CLYBL: variants seen among roughly 807,000 people sequenced by gnomAD.
The protein encoded by CLYBL is citramalyl-CoA lyase, also known as citramalyl-CoA lyase, mitochondrial.
CLYBL carries 31 observed loss-of-function variants against 38.9 expected under a neutral mutation model. That is an observed-to-expected ratio of 0.80 (90% CI 0.60 to 1.08). The LOEUF is 1.08. Ranked by LOEUF, CLYBL falls within the 50% of genes least tolerant of loss-of-function variation. The pLI is 0.00. For missense variants in CLYBL, 434 were observed against 411.6 expected (o/e 1.05, Z -0.47); for synonymous variants, 171 against 158.6 (o/e 1.08, Z -0.59).
At chr13:99,885,594 C>A (rs2052330879) in intron 7 of CLYBL, among the ~76,000 whole-genome samples, 4 of 152,298 alleles carry the variant, frequency 2.6e-5, no homozygotes. Context: ...CTATAAACAT[C>A]CTGGCACCAT....
chr13:99,633,198 A>G (rs1397700938), intron 1 of CLYBL, among the ~76,000 whole-genome samples: 1 of 138,402 alleles, frequency 7.2e-6, no homozygotes, highest in Admixed American at 7.7e-5. Context: ...GCAACAGAGC[A>G]AGATCCTGTC....
chr13:99,640,804 G>C (rs2047081864), intron 1 of CLYBL, among the ~76,000 whole-genome samples: 1 of 152,176 alleles, frequency 6.6e-6, no homozygotes, highest in Non-Finnish European at 1.5e-5. Context: ...ATAGGATTTT[G>C]ACTGCTCAGG....
intron 2 of CLYBL, among the ~76,000 whole-genome samples, chr13:99,775,964 C>T (rs963753303): frequency 6.6e-5 from 10 of 151,498 alleles, no homozygotes; most frequent in Non-Finnish European, 1.2e-4. Flanking sequence ...GAGATCAAGA[C>T]CATCCTGGCT....
intron 1 of CLYBL, among the ~76,000 whole-genome samples, chr13:99,727,754 G>C (rs1280568928): frequency 6.7e-6 from 1 of 148,604 alleles, no homozygotes; most frequent in East Asian, 1.9e-4. Flanking sequence ...TCTCAGGACA[G>C]GGAATGATAG....
At chr13:99,749,216 C>T (rs780576257) in intron 1 of CLYBL, among the ~76,000 whole-genome samples, 22 of 152,058 alleles carry the variant, frequency 1.4e-4, no homozygotes, top group African/African-American at 3.6e-4. Flanking sequence ...AAAAGACTTC[C>T]GTCATTGGGA....
intron 1 of CLYBL, among the ~76,000 whole-genome samples, chr13:99,627,370 C>CAGTTAGTGGGTGTTATATCCTT (rs2046885076): frequency 6.6e-6 from 1 of 152,086 alleles, no homozygotes; most frequent in Admixed American, 6.6e-5. Flanking sequence ...CTCGGCAGGT[C>CAGTTAGTGGGTGTTATATCCTT]AGTTAGTGGG....
chr13:99,729,081 C>T (rs1322958832), intron 1 of CLYBL, among the ~76,000 whole-genome samples: 1 of 152,214 alleles, frequency 6.6e-6, no homozygotes, highest in African/African-American at 2.4e-5. Context: ...TGTCTCCTTC[C>T]CAGAGATCAG....
chr13:99,661,359 TCAAA>T (rs1377247820), intron 1 of CLYBL, among the ~76,000 whole-genome samples: 3 of 152,324 alleles, frequency 2.0e-5, no homozygotes, highest in South Asian at 2.1e-4. Context: ...GAGGGTACAA[TCAAA>T]CAGCTTCTTT....
chr13:99,718,901 G>A (rs548749122), intron 1 of CLYBL, among the ~76,000 whole-genome samples: 1 of 152,032 alleles, frequency 6.6e-6, no homozygotes, highest in South Asian at 2.1e-4. Context: ...GGAGTGCAGT[G>A]GCATGATCTC....
chr13:99,854,696 C>T (rs549266207), intron 2 of CLYBL, among the ~76,000 whole-genome samples: 2 of 152,152 alleles, frequency 1.3e-5, no homozygotes, highest in Non-Finnish European at 2.9e-5. Flanking sequence ...TTAATGGGTG[C>T]CAATTGAACC....
intron 1 of CLYBL, among the ~76,000 whole-genome samples, chr13:99,712,994 A>G (rs2048258212): frequency 1.3e-5 from 2 of 152,192 alleles, no homozygotes. Context: ...TTTTGAGGCT[A>G]TATGTCTGAA....
At chr13:99,901,356 CTA>C (rs1203134831), downstream of CLYBL, among the ~76,000 whole-genome samples, 1 of 152,166 alleles carries the variant, frequency 6.6e-6, no homozygotes, top group East Asian at 1.9e-4. Flanking sequence ...CACGGGCAAA[CTA>C]TGTTTTTCTA....
chr13:99,736,028 C>A (rs970730215), intron 1 of CLYBL, among the ~76,000 whole-genome samples: 1 of 143,400 alleles, frequency 7.0e-6, no homozygotes, highest in Admixed American at 7.1e-5. Flanking sequence ...ATATCCTATA[C>A]GTTTCTTTTC....
chr13:99,821,093 G>A (rs1009967061), intron 2 of CLYBL, among the ~76,000 whole-genome samples: 2 of 152,174 alleles, frequency 1.3e-5, no homozygotes, highest in Non-Finnish European at 2.9e-5. Flanking sequence ...AAACTGCTTG[G>A]TGGAAGCAAT....
intron 1 of CLYBL, among the ~76,000 whole-genome samples, chr13:99,766,770 G>A (rs1043027614): frequency 1.3e-5 from 2 of 152,068 alleles, no homozygotes; most frequent in Admixed American, 6.6e-5. Context: ...CTATCAGAAC[G>A]CTGCTCTTCC....
chr13:99,635,020 CTG>C (rs1283745753), intron 1 of CLYBL, among the ~76,000 whole-genome samples: 3 of 152,168 alleles, frequency 2.0e-5, no homozygotes, highest in African/African-American at 4.8e-5. Context: ...TTCCCACACA[CTG>C]TCTGGCTTAA....
At chr13:99,791,506 G>A (rs781019514) in intron 2 of CLYBL, among the ~76,000 whole-genome samples, 3 of 152,132 alleles carry the variant, frequency 2.0e-5, no homozygotes, top group East Asian at 3.9e-4. Flanking sequence ...CTTTAGAGCC[G>A]TATTGCTTGT....
At chr13:99,792,594 C>T (rs1009597549) in intron 2 of CLYBL, among the ~76,000 whole-genome samples, 1 of 151,772 alleles carries the variant, frequency 6.6e-6, no homozygotes, top group African/African-American at 2.4e-5. Flanking sequence ...CTACGCCCCA[C>T]CCCTGGAGTT....
intron 1 of CLYBL, among the ~76,000 whole-genome samples, chr13:99,642,193 AG>A (rs2047105824): frequency 6.6e-6 from 1 of 152,104 alleles, no homozygotes; most frequent in African/African-American, 2.4e-5. Flanking sequence ...TTCTCATTGC[AG>A]GGGGCGGTGG....
Sources: allele counts gnomAD v4.1 joint callset (sites outside exome capture counted in the v4.1 genomes callset), GRCh38; gene constraint gnomAD v4.1.1; transcripts MANE v1.5; gene names NCBI Gene and HGNC (gene_info 2026-07-23, HGNC 2026-07-21).